Variants in GARRE1 observed in about 807,000 individuals in gnomAD.
The protein encoded by GARRE1 is granule associated Rac and RHOG effector 1.
Under a neutral mutation model 103.2 loss-of-function variants are expected in GARRE1, and 49 were observed. The observed-to-expected ratio is 0.47, with a 90% CI of 0.38 to 0.60. GARRE1 has a LOEUF of 0.60. GARRE1 is among the 20% of genes least tolerant of loss of function. GARRE1 has a pLI of 0.00. For synonymous variants in GARRE1, 505 were observed against 532.8 expected, an observed-to-expected ratio of 0.95 and a Z score of 0.72; for missense variants, 1,199 against 1,370.5, an observed-to-expected ratio of 0.87 and a Z score of 1.98.
At chr19:34,350,986 G>T (rs2074233527) in intron 12 of GARRE1, among the ~76,000 whole-genome samples, 1 of 151,838 alleles carries the variant, frequency 6.6e-6, no homozygotes, top group African/African-American at 2.4e-5. Flanking sequence ...ATCACCTGAG[G>T]TCAGGAGTTC....
intron 8 of GARRE1, among the ~76,000 whole-genome samples, chr19:34,335,693 T>G (rs966617674): frequency 5.3e-5 from 8 of 152,208 alleles, no homozygotes; most frequent in Admixed American, 4.6e-4. Flanking sequence ...GCCCAGCTAA[T>G]TTTTGTACTT....
At chr19:34,324,503 CTTTTTTTTT>C (rs397859412) in intron 3 of GARRE1, among the ~76,000 whole-genome samples, 1 of 135,478 alleles carries the variant, frequency 7.4e-6, no homozygotes, top group Non-Finnish European at 1.6e-5. Context: ...CACCAGTGCA[CTTTTTTTTT>C]TTTTTTTTTG....
intron 9 of GARRE1, among the ~76,000 whole-genome samples, chr19:34,340,438 T>TTTTTCTTTTC (rs60039902): frequency 0.48 from 69,717 of 145,092 alleles, 19,320 homozygotes; most frequent in East Asian, 0.69. Flanking sequence ...CCCCTCTCCC[T>TTTTTCTTTTC]TTTTCTTTTC....
chr19:34,351,123 T>C (rs1599785854), intron 12 of GARRE1, among the ~76,000 whole-genome samples: 2 of 150,304 alleles, frequency 1.3e-5, no homozygotes, highest in African/African-American at 4.9e-5. Context: ...TGCTTGAACC[T>C]GGGATGCAGA....
At chr19:34,339,831 T>C (rs1213999332) in intron 8 of GARRE1, 36 bp from the exon 9 acceptor site, 7 of 1,613,058 alleles carry the variant, frequency 4.3e-6, no homozygotes, top group Non-Finnish European at 5.9e-6. Flanking sequence ...TGCAGAGAAA[T>C]GCAGCCAAGA....
chr19:34,284,483 A>C (rs759864619), intron 1 of GARRE1, among the ~76,000 whole-genome samples: 10 of 152,196 alleles, frequency 6.6e-5, no homozygotes, highest in Non-Finnish European at 1.2e-4. Flanking sequence ...GATGACTCTA[A>C]TTGTAGAAAT....
At chr19:34,307,115 A>G (rs2074010592) in intron 2 of GARRE1, among the ~76,000 whole-genome samples, 1 of 152,086 alleles carries the variant, frequency 6.6e-6, no homozygotes, top group South Asian at 2.1e-4. Context: ...AACAGAGTGA[A>G]TGGAAGGGAG....
chr19:34,304,866 A>T (rs374933987), intron 2 of GARRE1, among the ~76,000 whole-genome samples: 8 of 151,402 alleles, frequency 5.3e-5, no homozygotes, highest in South Asian at 4.2e-4. Flanking sequence ...ATCTCGGCTC[A>T]CTGCAAGCTC....
rs1418992832 is a variant in GARRE1 at position 34,300,634 on chromosome 19, T to C, written c.161T>C (p.Leu54Pro). The change falls in exon 2 of 14, where the codon CTG becomes CCG. Residue 54 changes from leucine (L) to proline (P), a missense_variant. By Grantham distance (98) the Leu-to-Pro change is moderately conservative. Transcript: ENST00000299505. The stretch of plus-strand genomic sequence containing the variant: ...GCATCCACGGCCACCACTGCCCCCC[T>C]GGGCAGTCTGACCGCTGCAGGCAGC... Reference protein sequence around the residue: ...PLASTATTAPLGSLTAAGSCH... With the variant: ...PLASTATTAPPGSLTAAGSCH... 1.2e-6 allele frequency: 2 copies of C among 1,613,640 alleles called. No individual in the cohort carries two copies. Among genetic ancestry groups the C allele is most frequent in the African/African-American group, 1.3e-5 (1 of 75,072 alleles).
chr19:34,297,693 T>C (rs949848210), intron 1 of GARRE1, among the ~76,000 whole-genome samples: 3 of 152,240 alleles, frequency 2.0e-5, no homozygotes, highest in Admixed American at 2.0e-4. Context: ...CTGTTGTATA[T>C]CAGAATCTAT....
At chr19:34,347,815 T>A in intron 10 of GARRE1, 62 bp from the exon 11 acceptor site, 22 of 1,414,052 alleles carry the variant, frequency 1.6e-5, no homozygotes, top group Non-Finnish European at 1.9e-5. Context: ...TAGCAAAGCG[T>A]AGGGAAGGAC....
intron 1 of GARRE1, among the ~76,000 whole-genome samples, chr19:34,266,370 G>GT (rs377622656): frequency 3.3e-4 from 50 of 151,930 alleles, no homozygotes; most frequent in African/African-American, 1.1e-3. Flanking sequence ...ATTTTCTGTT[G>GT]TTTTTTTTGA....
chr19:34,257,061 G>A lies in GARRE1; in HGVS notation c.-796+2447G>A, dbSNP rs1181460940. Among the ~76,000 whole-genome samples, 3 of 151,992 alleles carry A rather than the reference G, an allele frequency of 2.0e-5. No individual in the cohort carries two copies. The East Asian group carries it at 5.8e-4, about 29-fold the overall frequency. ...GCACACAAATACGTAGGTTGGCATT[G>A]GAGACCAAGATAGAAAAGTTCTCAG... is the stretch of plus-strand genomic sequence containing the variant. On this transcript the variant is annotated intron_variant, in intron 1 of 13. Coordinates refer to ENST00000299505, the MANE Select transcript of GARRE1 (RefSeq NM_014686.5).
At chr19:34,323,224 G>A (rs995076127) in intron 3 of GARRE1, among the ~76,000 whole-genome samples, 1 of 151,226 alleles carries the variant, frequency 6.6e-6, no homozygotes, top group East Asian at 2.0e-4. Context: ...GTAGAGACAG[G>A]GTTTCACTGT....
intron 3 of GARRE1, among the ~76,000 whole-genome samples, chr19:34,325,628 C>T (rs1599773929): frequency 3.3e-5 from 5 of 152,314 alleles, no homozygotes; most frequent in African/African-American, 1.2e-4. Flanking sequence ...GTTACTTCTC[C>T]CCTCCCTGTC....
At chr19:34,263,472 T>C (rs1484669659) in intron 1 of GARRE1, among the ~76,000 whole-genome samples, 2 of 151,590 alleles carry the variant, frequency 1.3e-5, no homozygotes, top group Non-Finnish European at 2.9e-5. Flanking sequence ...ATATGTATTT[T>C]CTTTTTTTTC....
In GARRE1 at chr19:34,341,898, G is replaced by T; in HGVS notation, c.1964G>T (p.Gly655Val). 6.2e-7 allele frequency: 1 copy of T among 1,614,172 alleles called. No homozygotes were observed. Among genetic ancestry groups the T allele is most frequent in the Non-Finnish European group, 8.5e-7 (1 of 1,180,042 alleles). The change falls in exon 10 of 14, where the codon GGC (glycine) becomes GTC (valine). Residue 655 changes from glycine to valine, a missense_variant. Coordinates refer to ENST00000299505, the MANE Select transcript of GARRE1 (RefSeq NM_014686.5). ...CAAGAGGTGATAGATTTTCTCTCGG[G>T]CTTTAACATGGGCCAGTCACATCAG... ...EMQEVIDFLS[G>V]FNMGQSHQGS... is the part of the protein sequence containing the mutation.
intron 1 of GARRE1, among the ~76,000 whole-genome samples, chr19:34,265,167 A>G (rs2073744049): frequency 6.6e-6 from 1 of 152,160 alleles, no homozygotes; most frequent in South Asian, 2.1e-4. Context: ...GTGAGATGCT[A>G]ATTATGGCCA....
chr19:34,335,175 G>A (rs1229763678), intron 8 of GARRE1, among the ~76,000 whole-genome samples: 2 of 152,214 alleles, frequency 1.3e-5, no homozygotes, highest in Non-Finnish European at 2.9e-5. Context: ...AGGTTGTTGA[G>A]TAGAGACTAA....
Sources: gnomAD v4.1 joint callset for allele counts (sites outside exome capture counted in the v4.1 genomes callset) on GRCh38, gnomAD v4.1.1 for gene constraint, MANE v1.5 for transcripts, NCBI Gene and HGNC (gene_info 2026-07-23, HGNC 2026-07-21) for gene names.